Variants in HCRTR2 observed in about 807,000 individuals in gnomAD.
HCRTR2 encodes the protein orexin receptor type 2.
HCRTR2 carries 22 observed loss-of-function variants against 49.0 expected under a neutral mutation model. That is an observed-to-expected ratio of 0.45 (90% confidence interval 0.32 to 0.64). The LOEUF (loss-of-function observed/expected upper bound fraction) is 0.64. Ranked by LOEUF, HCRTR2 falls within the 30% of genes least tolerant of loss-of-function variation. The pLI, the probability that HCRTR2 is intolerant of heterozygous loss-of-function variation, is 0.04. For synonymous variants in HCRTR2, 236 were observed against 205.3 expected (o/e 1.15, Z -1.28); for missense variants, 491 against 559.4 (o/e 0.88, Z 1.23).
At chr6:55,183,948 G>C (rs1765175169) in intron 1 of HCRTR2, among the ~76,000 whole-genome samples, 1 of 151,228 alleles carries the variant, frequency 6.6e-6, no homozygotes, top group South Asian at 2.1e-4. Context: ...TTTTTTTTGA[G>C]ATAAAGTCTC....
At position 55,110,717 on chromosome 6, in the gene HCRTR2, C is replaced by A. The variant is rs145484137; in HGVS notation, c.-378+4172C>A. Among the ~76,000 whole-genome samples, 1,499 of 152,076 alleles carry A rather than the reference C, an allele frequency of 9.9e-3. 10 individuals carry two copies. The highest frequency in any genetic ancestry group is 0.013 in the Non-Finnish European group (896 of 67,926). ...ATAAATGCACCTAACACTGGAGCTTCCAAATTTTTGAAACAATTTATAGTA... is the reference window on the plus strand; with the variant it reads ...ATAAATGCACCTAACACTGGAGCTTACAAATTTTTGAAACAATTTATAGTA... On this transcript the variant is annotated intron_variant, in intron 1 of 7. Coordinates refer to the HCRTR2 transcript ENST00000615358.
intron 1 of HCRTR2, among the ~76,000 whole-genome samples, chr6:55,219,716 A>G (rs1765854171): frequency 6.6e-6 from 1 of 151,840 alleles, no homozygotes; most frequent in South Asian, 2.1e-4. Context: ...AGAAAAAATA[A>G]ATTAAATAGA....
At position 55,224,388 on chromosome 6, in the gene HCRTR2, C is replaced by T. The variant is rs527443555; in HGVS notation, c.224-24251C>T. Among the ~76,000 whole-genome samples, 168 of 151,994 alleles carry T rather than the reference C, an allele frequency of 1.1e-3. 1 individual carries two copies. The highest frequency in any genetic ancestry group is 3.7e-3 in the African/African-American group (152 of 41,458). On this transcript the variant is annotated intron_variant, in intron 1 of 6. Transcript: ENST00000370862. ...ATCGCAGCACTTTGGGAGGCCGAGGCGGGCAGATCACGAGATCAGGAGATC... is the reference window on the plus strand; with the variant it reads ...ATCGCAGCACTTTGGGAGGCCGAGGTGGGCAGATCACGAGATCAGGAGATC...
chr6:55,242,403 TTCTATCTG>T (rs1766353667), intron 1 of HCRTR2, among the ~76,000 whole-genome samples: 1 of 152,158 alleles, frequency 6.6e-6, no homozygotes, highest in Non-Finnish European at 1.5e-5. Context: ...AAAATCTACT[TTCTATCTG>T]TCTGATATGA....
chr6:55,206,219 G>A (rs1765598520), intron 1 of HCRTR2, among the ~76,000 whole-genome samples: 1 of 152,038 alleles, frequency 6.6e-6, no homozygotes, highest in African/African-American at 2.4e-5. Context: ...TTTTTAATAA[G>A]TGTGAGTGGA....
chr6:55,124,326 A>T, intron 1 of HCRTR2, among the ~76,000 whole-genome samples: 1 of 152,120 alleles, frequency 6.6e-6, no homozygotes, highest in Non-Finnish European at 1.5e-5. Flanking sequence ...CTTCATTCTC[A>T]CTGGTTTTAC....
At chr6:55,136,816 A>G (rs1764440594) in intron 1 of HCRTR2, among the ~76,000 whole-genome samples, 1 of 152,116 alleles carries the variant, frequency 6.6e-6, no homozygotes, top group Non-Finnish European at 1.5e-5. Context: ...TTGCGCTTAC[A>G]TGGCCTTCTG....
chr6:55,178,625 C>T (rs1765080450), intron 1 of HCRTR2, among the ~76,000 whole-genome samples: 1 of 152,116 alleles, frequency 6.6e-6, no homozygotes, highest in Non-Finnish European at 1.5e-5. Context: ...CTTCATGGGC[C>T]AGTCTGTATC....
At chr6:55,190,572 T>C (rs1482410820) in intron 1 of HCRTR2, among the ~76,000 whole-genome samples, 1 of 152,214 alleles carries the variant, frequency 6.6e-6, no homozygotes, top group Non-Finnish European at 1.5e-5. Flanking sequence ...AATATTATCT[T>C]TTGTGTCTGT....
intron 1 of HCRTR2, among the ~76,000 whole-genome samples, chr6:55,147,552 C>T (rs924404384): frequency 6.6e-6 from 1 of 152,092 alleles, no homozygotes; most frequent in Non-Finnish European, 1.5e-5. Flanking sequence ...GGTATTTTGG[C>T]TAAGTGACAC....
chr6:55,113,697 G>T (rs1240393212), intron 1 of HCRTR2, among the ~76,000 whole-genome samples: 1 of 151,932 alleles, frequency 6.6e-6, no homozygotes, highest in African/African-American at 2.4e-5. Context: ...ACTGCTGGTA[G>T]GAATGTAAAC....
intron 4 of HCRTR2, 47 bp downstream of exon 4, chr6:55,263,869 TTTG>T: frequency 9.5e-7 from 1 of 1,056,498 alleles, no homozygotes; most frequent in Non-Finnish European, 1.5e-6. Flanking sequence ...CCACACATAA[TTTG>T]TTATTTGTTA....
chr6:55,248,836 T>A lies in HCRTR2; in HGVS notation c.402+19T>A, dbSNP rs1473830725. The A allele has an allele frequency of 6.2e-7, 1 of 1,603,552 alleles. No homozygotes were observed. Among genetic ancestry groups the A allele is most frequent in the Non-Finnish European group, 8.5e-7 (1 of 1,170,694 alleles). On this transcript the variant is annotated intron_variant, in intron 2 of 6. Coordinates refer to ENST00000370862, the MANE Select transcript of HCRTR2 (RefSeq NM_001384272.1). The stretch of plus-strand genomic sequence containing the variant: ...TCTACAGGTAATTGTTTTTAATGCT[T>A]TTTTGAAGCTACTAAAAAGAATGTT...
At chr6:55,162,227 T>C (rs903364513) in intron 1 of HCRTR2, among the ~76,000 whole-genome samples, 29 of 152,012 alleles carry the variant, frequency 1.9e-4, no homozygotes, top group African/African-American at 7.0e-4. Context: ...ACAGAACCAA[T>C]GACAAAAACC....
intron 1 of HCRTR2, among the ~76,000 whole-genome samples, chr6:55,202,920 A>G (rs988418913): frequency 2.6e-5 from 4 of 152,186 alleles, no homozygotes; most frequent in African/African-American, 9.7e-5. Flanking sequence ...ATCCCACTTA[A>G]GCTTCAGCAG....
chr6:55,240,244 G>A (rs891584867), intron 1 of HCRTR2, among the ~76,000 whole-genome samples: 1 of 150,424 alleles, frequency 6.6e-6, no homozygotes, highest in Non-Finnish European at 1.5e-5. Flanking sequence ...TGTAGTTCCA[G>A]CTACTCAGGA....
chr6:55,210,513 C>T (rs945698478), intron 1 of HCRTR2, among the ~76,000 whole-genome samples: 1 of 152,030 alleles, frequency 6.6e-6, no homozygotes, highest in Non-Finnish European at 1.5e-5. Flanking sequence ...CTCATCTCTG[C>T]CATCACTTAT....
intron 1 of HCRTR2, among the ~76,000 whole-genome samples, chr6:55,246,595 C>T (rs1013727722): frequency 6.6e-6 from 1 of 151,996 alleles, no homozygotes; most frequent in Non-Finnish European, 1.5e-5. Flanking sequence ...GCTTCCTTTT[C>T]ATTTTCTGCT....
chr6:55,203,529 A>G (rs1028411706), intron 1 of HCRTR2, among the ~76,000 whole-genome samples: 1 of 152,198 alleles, frequency 6.6e-6, no homozygotes, highest in African/African-American at 2.4e-5. Flanking sequence ...AAATATGTAC[A>G]TTAAAATTTT....
Sources: gnomAD v4.1 joint callset for allele counts (sites outside exome capture counted in the v4.1 genomes callset) on GRCh38, gnomAD v4.1.1 for gene constraint, MANE v1.5 for transcripts, NCBI Gene and HGNC (gene_info 2026-07-23, HGNC 2026-07-21) for gene names.